Variants in CNTNAP2 observed in about 807,000 individuals in gnomAD.
CNTNAP2 encodes contactin-associated protein-like 2.
A neutral mutation model predicts 155.2 loss-of-function variants in CNTNAP2; 98 were observed. The observed-to-expected ratio is 0.63, with a 90% CI of 0.54 to 0.75. The LOEUF is 0.75. CNTNAP2 is among the 30% of genes least tolerant of loss of function. CNTNAP2 has a pLI of 0.00. For synonymous variants in CNTNAP2, 651 were observed against 631.2 expected (o/e 1.03, Z -0.47); for missense variants, 1,727 against 1,688.1 (o/e 1.02, Z -0.40).
At chr7:147,928,099 C>T (rs1800430637) in intron 14 of CNTNAP2, among the ~76,000 whole-genome samples, 1 of 152,146 alleles carries the variant, frequency 6.6e-6, no homozygotes, top group Admixed American at 6.5e-5. Context: ...TCCCCTTTTG[C>T]TTGGCTCTCA....
At chr7:147,522,782 A>C (rs1375103303) in intron 11 of CNTNAP2, among the ~76,000 whole-genome samples, 1 of 150,866 alleles carries the variant, frequency 6.6e-6, no homozygotes, top group African/African-American at 2.5e-5. Flanking sequence ...AAAAAAACAA[A>C]AAAACAAAAA....
At chr7:147,311,268 C>G (rs1431079029) in intron 9 of CNTNAP2, among the ~76,000 whole-genome samples, 1 of 152,044 alleles carries the variant, frequency 6.6e-6, no homozygotes, top group African/African-American at 2.4e-5. Flanking sequence ...AAGACAGAAT[C>G]AGACAATCAA....
chr7:147,698,781 C>T (rs371355881), intron 13 of CNTNAP2, among the ~76,000 whole-genome samples: 196 of 152,242 alleles, frequency 1.3e-3, no homozygotes, highest in African/African-American at 4.3e-3. Flanking sequence ...CCAGGCTGGT[C>T]GTGAGCTCCT....
At chr7:146,480,075 G>A (rs983991094) in intron 1 of CNTNAP2, among the ~76,000 whole-genome samples, 7 of 152,288 alleles carry the variant, frequency 4.6e-5, no homozygotes, top group Non-Finnish European at 8.8e-5. Context: ...GTGAGCCACT[G>A]AGCCTGGTTT....
chr7:148,179,534 A>G (rs1472572264), intron 18 of CNTNAP2, among the ~76,000 whole-genome samples: 1 of 116,694 alleles, frequency 8.6e-6, no homozygotes, highest in Non-Finnish European at 1.7e-5. Flanking sequence ...AGGGAGAGAG[A>G]GGGAGTGAGA....
intron 2 of CNTNAP2, among the ~76,000 whole-genome samples, chr7:146,817,550 C>T (rs1803198001): frequency 6.6e-6 from 1 of 151,820 alleles, no homozygotes; most frequent in Non-Finnish European, 1.5e-5. Flanking sequence ...GTAGGCTGTA[C>T]AGAAAGCATG....
chr7:147,531,243 G>A (rs891733713), intron 11 of CNTNAP2, among the ~76,000 whole-genome samples: 1 of 152,182 alleles, frequency 6.6e-6, no homozygotes, highest in Admixed American at 6.5e-5. Flanking sequence ...CTGGAGGATG[G>A]TGGCCCTCTT....
At chr7:148,214,443 G>T (rs1386190866) in intron 18 of CNTNAP2, among the ~76,000 whole-genome samples, 1 of 152,220 alleles carries the variant, frequency 6.6e-6, no homozygotes, top group East Asian at 1.9e-4. Context: ...GGAAGTGATT[G>T]TATTTTGTTC....
At chr7:146,801,487 C>A (rs942176788) in intron 2 of CNTNAP2, among the ~76,000 whole-genome samples, 1 of 152,086 alleles carries the variant, frequency 6.6e-6, no homozygotes, top group African/African-American at 2.4e-5. Flanking sequence ...ACTTTCTCCA[C>A]ATGTTGAAAG....
chr7:148,227,740 G>A (rs1795878774), intron 19 of CNTNAP2, among the ~76,000 whole-genome samples: 2 of 152,244 alleles, frequency 1.3e-5, no homozygotes, highest in African/African-American at 4.8e-5. Context: ...GTAAAACTCA[G>A]AAATAGTGAA....
At chr7:148,028,575 C>T (rs1230725079) in intron 15 of CNTNAP2, among the ~76,000 whole-genome samples, 1 of 152,140 alleles carries the variant, frequency 6.6e-6, no homozygotes, top group Admixed American at 6.5e-5. Context: ...GACCCCGTCT[C>T]AAAATATATA....
intron 18 of CNTNAP2, among the ~76,000 whole-genome samples, chr7:148,208,481 C>T (rs1463819323): frequency 6.6e-6 from 1 of 152,012 alleles, no homozygotes; most frequent in Non-Finnish European, 1.5e-5. Flanking sequence ...AACCTCAGTG[C>T]CCCAACATTT....
At chr7:146,313,975 T>C (rs115452538) in intron 1 of CNTNAP2, among the ~76,000 whole-genome samples, 5,714 of 152,134 alleles carry the variant, frequency 0.038, 172 homozygotes, top group African/African-American at 0.078. Flanking sequence ...CTCCGGTCTG[T>C]ATGAAAGAAA....
At chr7:146,618,413 G>A (rs547480161) in intron 1 of CNTNAP2, among the ~76,000 whole-genome samples, 1 of 152,224 alleles carries the variant, frequency 6.6e-6, no homozygotes, top group Admixed American at 6.5e-5. Flanking sequence ...ATTACAATAC[G>A]TTTTATTTTT....
chr7:147,116,683 A>G (rs912927813), intron 5 of CNTNAP2, among the ~76,000 whole-genome samples: 1 of 152,074 alleles, frequency 6.6e-6, no homozygotes, highest in African/African-American at 2.4e-5. Flanking sequence ...TGAATTGTCC[A>G]AACAACCCAG....
At chr7:148,053,151 G>A (rs749493576) in intron 15 of CNTNAP2, among the ~76,000 whole-genome samples, 1 of 152,138 alleles carries the variant, frequency 6.6e-6, no homozygotes, top group Non-Finnish European at 1.5e-5. Flanking sequence ...AACACTGATA[G>A]AATATTATCC....
intron 11 of CNTNAP2, among the ~76,000 whole-genome samples, chr7:147,486,790 G>A (rs918249679): frequency 2.6e-5 from 4 of 151,856 alleles, no homozygotes; most frequent in African/African-American, 7.2e-5. Context: ...TTTGCAGAAC[G>A]CTTTTGAAAA....
At chr7:147,300,435 C>CA (rs58996193) in intron 9 of CNTNAP2, 145 bp downstream of exon 9, 2 of 938,684 alleles carry the variant, frequency 2.1e-6, no homozygotes, top group Middle Eastern at 3.2e-4. Flanking sequence ...CTGAGCAAAA[C>CA]AAAAAAAGAA....
chr7:147,977,762 T>A, intron 14 of CNTNAP2, 100 bp from the exon 15 acceptor site: 1 of 1,524,086 alleles, frequency 6.6e-7, no homozygotes, highest in South Asian at 1.1e-5. Flanking sequence ...TTCCAAACGA[T>A]TACTGAAATG....
Sources: allele counts gnomAD v4.1 joint callset (sites outside exome capture counted in the v4.1 genomes callset), GRCh38; gene constraint gnomAD v4.1.1; transcripts MANE v1.5; gene names NCBI Gene and HGNC (gene_info 2026-07-23, HGNC 2026-07-21).